Variants in PTGR1 observed in about 807,000 individuals in gnomAD.
PTGR1 encodes the protein 15-oxoprostaglandin 13-reductase.
A neutral mutation model predicts 37.7 loss-of-function variants in PTGR1; 23 were observed. The observed-to-expected ratio is 0.61, with a 90% CI of 0.44 to 0.86. PTGR1 has a LOEUF of 0.86. Ranked by LOEUF, PTGR1 falls within the 40% of genes least tolerant of loss-of-function variation. The pLI, the probability that PTGR1 is intolerant of heterozygous loss-of-function variation, is 0.00. For missense variants in PTGR1, 351 were observed against 394.3 expected (o/e 0.89, Z 0.93); for synonymous variants, 134 against 140.0 (o/e 0.96, Z 0.30).
At chr9:111,597,872 G>T (rs943464062) in intron 1 of PTGR1, among the ~76,000 whole-genome samples, 1 of 151,944 alleles carries the variant, frequency 6.6e-6, no homozygotes, top group African/African-American at 2.4e-5. Context: ...CAAACACAAA[G>T]AACCCAATAG....
chr9:111,552,201 T>C (rs985521531), intron 9 of PTGR1, among the ~76,000 whole-genome samples: 1 of 152,228 alleles, frequency 6.6e-6, no homozygotes, highest in African/African-American at 2.4e-5. Flanking sequence ...GAATTGGATT[T>C]TCTAGTACAG....
At chr9:111,590,496 T>A (rs1589319430) in intron 4 of PTGR1, among the ~76,000 whole-genome samples, 1 of 152,124 alleles carries the variant, frequency 6.6e-6, no homozygotes, top group Non-Finnish European at 1.5e-5. Context: ...ATAGCTAGGA[T>A]TACAGATGCC....
chr9:111,570,963 C>A (rs911252118), intron 8 of PTGR1, among the ~76,000 whole-genome samples: 1 of 152,094 alleles, frequency 6.6e-6, no homozygotes, highest in African/African-American at 2.4e-5. Context: ...AGAGCCTATG[C>A]CCCTGGCTTT....
chr9:111,581,903 G>C (rs1225777176), intron 6 of PTGR1, among the ~76,000 whole-genome samples: 1 of 152,006 alleles, frequency 6.6e-6, no homozygotes, highest in Non-Finnish European at 1.5e-5. Flanking sequence ...ATGTAGGGTA[G>C]AATATGGGGA....
intron 4 of PTGR1, 81 bp downstream of exon 4, chr9:111,592,845 A>G: frequency 1.3e-6 from 2 of 1,536,096 alleles, no homozygotes; most frequent in Non-Finnish European, 1.8e-6. Context: ...AAATTGTAGG[A>G]GCAATGGACA....
chr9:111,564,488 T>C (rs1217136204), intron 9 of PTGR1, among the ~76,000 whole-genome samples: 1 of 151,710 alleles, frequency 6.6e-6, no homozygotes, highest in African/African-American at 2.4e-5. Flanking sequence ...TTAGTTTTTG[T>C]AGAGACGGGG....
intron 6 of PTGR1, among the ~76,000 whole-genome samples, chr9:111,580,014 G>A (rs938304835): frequency 3.3e-5 from 5 of 152,142 alleles, no homozygotes; most frequent in African/African-American, 1.2e-4. Context: ...ACGGCCACAG[G>A]CTTTTTCCAT....
intron 8 of PTGR1, among the ~76,000 whole-genome samples, chr9:111,573,395 C>T (rs1254668416): frequency 6.6e-6 from 1 of 152,188 alleles, no homozygotes; most frequent in Non-Finnish European, 1.5e-5. Context: ...CCTTTGTCAG[C>T]CCCTTCCTTT....
rs533859571 is a variant in PTGR1, at chr9:111,578,862, C to G, written c.585G>C (p.Thr195=). 3.1e-6 allele frequency: 5 copies of G among 1,612,728 alleles called. No individual in the cohort carries two copies. The highest frequency in any genetic ancestry group is 4.2e-6 in the Non-Finnish European group (5 of 1,179,446). The change falls in exon 7 of 10, where the codon ACG becomes ACC. Residue 195 remains threonine, a synonymous_variant. Coordinates refer to ENST00000407693, the MANE Select transcript of PTGR1 (RefSeq NM_001146108.2). The part of the protein sequence containing the change: ...LGFDVVFNYK[T]VESLEETLKK... ...TCAAGGTTTCTTCCAAAGACTCTAC[C>G]GTCTTGTAGTTAAAGACGACATCAA...
At chr9:111,549,825 C>T (rs767683038) in intron 9 of PTGR1, 21 of 1,423,254 alleles carry the variant, frequency 1.5e-5, no homozygotes, top group Middle Eastern at 3.5e-4. Context: ...GAACATTTAG[C>T]TCTTTGAGCA....
chr9:111,572,505 G>A (rs1367330837), intron 8 of PTGR1, among the ~76,000 whole-genome samples: 1 of 152,064 alleles, frequency 6.6e-6, no homozygotes, highest in Admixed American at 6.6e-5. Flanking sequence ...CAGGAGAATC[G>A]CTTGAACCGG....
chr9:111,555,867 C>T (rs903202577), intron 9 of PTGR1, among the ~76,000 whole-genome samples: 28 of 152,170 alleles, frequency 1.8e-4, no homozygotes, highest in African/African-American at 6.8e-4. Flanking sequence ...ACCCTGGTCC[C>T]TCGCAAATCT....
chr9:111,576,285 T>G (rs897785621), intron 7 of PTGR1: 1 of 1,443,622 alleles, frequency 6.9e-7, no homozygotes, highest in African/African-American at 1.4e-5. Flanking sequence ...ATTTCATATT[T>G]GCATATTGTA....
intron 1 of PTGR1, among the ~76,000 whole-genome samples, chr9:111,599,101 A>C (rs1236122575): frequency 6.6e-6 from 1 of 152,224 alleles, no homozygotes; most frequent in Admixed American, 6.5e-5. Context: ...GCCCTCCTGG[A>C]AAGGGTCTGG....
intron 6 of PTGR1, among the ~76,000 whole-genome samples, chr9:111,579,743 C>T (rs377014359): frequency 1.3e-5 from 2 of 152,198 alleles, no homozygotes; most frequent in African/African-American, 4.8e-5. Context: ...CAGGCATGAG[C>T]CACTGCACCA....
rs1829418049 is a variant in PTGR1 at position 111,586,012 on chromosome 9, TG to T, written c.362del (p.Thr121LysfsTer7). On this transcript the variant is annotated frameshift_variant, in exon 5 of 10. Transcript: ENST00000407693. LOFTEE classifies it high-confidence loss of function. ...ATGAAACTCACCCTGGCATGCCAAC[TG>T]TCCCCAGAGCCAAAGACAGTGGTAT... ...DTIPLSLALGTVGMPGLTAYF... is the reference protein window; with the variant it reads ...DTIPLSLALGXVGMPGLTAYF... 5.6e-6 allele frequency: 9 copies of T among 1,614,120 alleles called. No homozygotes were observed. In the East Asian group the frequency reaches 2.0e-4, roughly 36 times the overall value.
chr9:111,579,698 T>C (rs1829215049), intron 6 of PTGR1, among the ~76,000 whole-genome samples: 2 of 152,154 alleles, frequency 1.3e-5, no homozygotes, highest in Admixed American at 1.3e-4. Flanking sequence ...GCTCAAGTGA[T>C]CCTCCTGCCT....
At chr9:111,581,981 ATAG>A (rs1315725699) in intron 6 of PTGR1, among the ~76,000 whole-genome samples, 1 of 152,170 alleles carries the variant, frequency 6.6e-6, no homozygotes, top group Non-Finnish European at 1.5e-5. Context: ...ATGTATATGA[ATAG>A]TAGCAGGATA....
At chr9:111,592,834 G>A in intron 4 of PTGR1, 92 bp downstream of exon 4, 3 of 1,516,306 alleles carry the variant, frequency 2.0e-6, no homozygotes, top group South Asian at 1.3e-5. Flanking sequence ...ATAGGCTGAA[G>A]AAATTGTAGG....
Sources: allele counts gnomAD v4.1 joint callset (sites outside exome capture counted in the v4.1 genomes callset), GRCh38; gene constraint gnomAD v4.1.1; transcripts MANE v1.5; gene names NCBI Gene and HGNC (gene_info 2026-07-23, HGNC 2026-07-21).